The following B3GALT1 variants were observed in gnomAD, a reference collection of about 807,000 sequenced individuals.
B3GALT1 encodes the protein UDP-Gal:betaGlcNAc beta 1,3-galactosyltransferase, polypeptide 1.
A neutral mutation model predicts 23.2 loss-of-function variants in B3GALT1; 10 were observed. The observed-to-expected ratio is 0.43, with a 90% CI of 0.27 to 0.73. The LOEUF (loss-of-function observed/expected upper bound fraction) is 0.73. Ranked by LOEUF, B3GALT1 falls within the 30% of genes least tolerant of loss-of-function variation. The probability of loss-of-function intolerance (pLI) is 0.21; values close to 1 mark genes in which losing one functional copy is unlikely to be tolerated. For synonymous variants in B3GALT1, 156 were observed against 141.5 expected (o/e 1.10, Z -0.73); for missense variants, 299 against 405.4 (o/e 0.74, Z 2.25).
chr2:167,346,379 G>A (rs1697221842), intron 1 of B3GALT1, among the ~76,000 whole-genome samples: 2 of 151,998 alleles, frequency 1.3e-5, no homozygotes. Context: ...TATCTACTCT[G>A]ATTTACTTAA....
At position 167,312,552 on chromosome 2, in the gene B3GALT1, C is replaced by G. The variant is rs1410804289; in HGVS notation, c.-511+19218C>G. On this transcript the variant is annotated intron_variant, in intron 1 of 4. Transcript: ENST00000392690. ...AACCGAGAGAAACTGTAACATAGAA[C>G]AACAGGCACCAATAGAAAATGTAAG... Among the ~76,000 whole-genome samples the G allele has an allele frequency of 2.0e-5, 3 of 152,062 alleles. No individual in the cohort carries two copies. The East Asian group carries it at 5.8e-4, about 29-fold the overall frequency.
intron 2 of B3GALT1, among the ~76,000 whole-genome samples, chr2:167,539,170 G>T (rs1448991353): frequency 1.3e-5 from 2 of 152,014 alleles, no homozygotes; most frequent in Non-Finnish European, 2.9e-5. Flanking sequence ...TATGAATTAT[G>T]TTATGCTCTA....
At chr2:167,345,223 A>C (rs957271245) in intron 1 of B3GALT1, among the ~76,000 whole-genome samples, 3 of 151,878 alleles carry the variant, frequency 2.0e-5, no homozygotes, top group African/African-American at 7.3e-5. Flanking sequence ...CATTGATAGG[A>C]ACTGAAGCTT....
At chr2:167,424,563 TTGTGTG>T (rs548847651) in intron 1 of B3GALT1, among the ~76,000 whole-genome samples, 4 of 151,398 alleles carry the variant, frequency 2.6e-5, no homozygotes, top group Admixed American at 6.6e-5. Flanking sequence ...GTGTGTGTGT[TTGTGTG>T]TGTGTGTTTG....
At chr2:167,593,164 A>T (rs1684713920) in intron 2 of B3GALT1, among the ~76,000 whole-genome samples, 1 of 152,208 alleles carries the variant, frequency 6.6e-6, no homozygotes, top group Non-Finnish European at 1.5e-5. Flanking sequence ...CAAGAATATT[A>T]TTTTTAGCAT....
intron 2 of B3GALT1, among the ~76,000 whole-genome samples, chr2:167,555,551 T>C (rs1000699922): frequency 1.3e-5 from 2 of 152,170 alleles, no homozygotes; most frequent in African/African-American, 4.8e-5. Flanking sequence ...TACACTGTTA[T>C]AAAAGCTGCT....
At chr2:167,390,085 C>T (rs1428411868) in intron 1 of B3GALT1, among the ~76,000 whole-genome samples, 1 of 152,102 alleles carries the variant, frequency 6.6e-6, no homozygotes, top group Non-Finnish European at 1.5e-5. Context: ...GAGAAAATCT[C>T]AGCTACACAG....
At chr2:167,472,542 C>T (rs1331803196) in intron 1 of B3GALT1, among the ~76,000 whole-genome samples, 1 of 152,096 alleles carries the variant, frequency 6.6e-6, no homozygotes, top group Non-Finnish European at 1.5e-5. Flanking sequence ...TAATTACTTA[C>T]CATTAAATTT....
At chr2:167,390,225 G>GCACA (rs998457820) in intron 1 of B3GALT1, among the ~76,000 whole-genome samples, 12 of 152,156 alleles carry the variant, frequency 7.9e-5, no homozygotes, top group African/African-American at 2.9e-4. Flanking sequence ...AAGTTTGTGG[G>GCACA]GGCTACAGAA....
intron 3 of B3GALT1, among the ~76,000 whole-genome samples, chr2:167,679,032 C>A (rs1235203657): frequency 6.6e-6 from 1 of 151,910 alleles, no homozygotes; most frequent in Non-Finnish European, 1.5e-5. Flanking sequence ...TCTTTTTATA[C>A]CTATTCTTTT....
At chr2:167,744,185 A>G (rs963295077) in intron 3 of B3GALT1, among the ~76,000 whole-genome samples, 1 of 152,130 alleles carries the variant, frequency 6.6e-6, no homozygotes, top group South Asian at 2.1e-4. Context: ...GTTTCTTGAT[A>G]AGAATGCAAT....
At chr2:167,333,700 G>C (rs1697012200) in intron 1 of B3GALT1, among the ~76,000 whole-genome samples, 1 of 152,138 alleles carries the variant, frequency 6.6e-6, no homozygotes, top group African/African-American at 2.4e-5. Context: ...AATATCGTAA[G>C]AAATAATTGG....
chr2:167,607,899 T>G (rs2105429289), intron 2 of B3GALT1, among the ~76,000 whole-genome samples: 1 of 152,266 alleles, frequency 6.6e-6, no homozygotes, highest in African/African-American at 2.4e-5. Context: ...CTCCTGTGGA[T>G]TAATAATGTG....
intron 1 of B3GALT1, among the ~76,000 whole-genome samples, chr2:167,299,690 A>C (rs1696414759): frequency 6.6e-6 from 1 of 152,106 alleles, no homozygotes; most frequent in Non-Finnish European, 1.5e-5. Context: ...TATGCAAAGA[A>C]ATAAAAGATA....
chr2:167,625,152 T>G (rs1018736384), intron 2 of B3GALT1, among the ~76,000 whole-genome samples: 1 of 151,936 alleles, frequency 6.6e-6, no homozygotes, highest in Non-Finnish European at 1.5e-5. Flanking sequence ...TGCAGGTAAA[T>G]TGGAAAAGTA....
At chr2:167,626,563 T>A (rs966753338) in intron 2 of B3GALT1, among the ~76,000 whole-genome samples, 1 of 151,654 alleles carries the variant, frequency 6.6e-6, no homozygotes, top group Non-Finnish European at 1.5e-5. Flanking sequence ...TCTTTTTAGT[T>A]CCTGATTCAT....
intron 1 of B3GALT1, among the ~76,000 whole-genome samples, chr2:167,336,550 AT>A (rs941361563): frequency 6.6e-6 from 1 of 152,110 alleles, no homozygotes; most frequent in East Asian, 1.9e-4. Flanking sequence ...ATTACTGATT[AT>A]TTTTTATAGT....
chr2:167,772,385 C>T (rs991818065), intron 3 of B3GALT1, among the ~76,000 whole-genome samples: 2 of 152,124 alleles, frequency 1.3e-5, no homozygotes, highest in African/African-American at 4.8e-5. Context: ...GAAGTGAGTG[C>T]AATTAGCCTC....
intron 4 of B3GALT1, among the ~76,000 whole-genome samples, chr2:167,841,501 A>G (rs1005828767): frequency 1.3e-5 from 2 of 152,244 alleles, no homozygotes; most frequent in African/African-American, 4.8e-5. Flanking sequence ...TACTGAGATT[A>G]TGTGTATACT....
Sources: allele counts gnomAD v4.1 joint callset (sites outside exome capture counted in the v4.1 genomes callset), GRCh38; gene constraint gnomAD v4.1.1; transcripts MANE v1.5; gene names NCBI Gene and HGNC (gene_info 2026-07-23, HGNC 2026-07-21).